Variants in STIM1 observed in about 807,000 individuals in gnomAD.
STIM1 encodes the protein stromal interaction molecule 1.
A neutral mutation model predicts 74.7 loss-of-function variants in STIM1; 25 were observed. The observed-to-expected ratio is 0.33, with a 90% CI of 0.24 to 0.47. The LOEUF (loss-of-function observed/expected upper bound fraction) is 0.47. Ranked by LOEUF, STIM1 falls within the 20% of genes least tolerant of loss-of-function variation. STIM1 has a pLI of 1.00. For synonymous variants in STIM1, 328 were observed against 348.8 expected, an observed-to-expected ratio of 0.94 and a Z score of 0.66; for missense variants, 728 against 920.8, an observed-to-expected ratio of 0.79 and a Z score of 2.71.
chr11:4,017,079 C>G (rs1299325392), intron 2 of STIM1, among the ~76,000 whole-genome samples: 1 of 152,170 alleles, frequency 6.6e-6, no homozygotes, highest in African/African-American at 2.4e-5. Context: ...TGGGCTGCAC[C>G]CACTGTCCAA....
At chr11:3,979,914 A>G (rs1276524076) in intron 2 of STIM1, among the ~76,000 whole-genome samples, 2 of 152,088 alleles carry the variant, frequency 1.3e-5, no homozygotes, top group African/African-American at 2.4e-5. Flanking sequence ...GTCTGTATCA[A>G]TCTTAGTTGT....
intron 1 of STIM1, among the ~76,000 whole-genome samples, chr11:3,947,888 C>A (rs2093098623): frequency 6.6e-6 from 1 of 152,168 alleles, no homozygotes; most frequent in Non-Finnish European, 1.5e-5. Context: ...ACTGACTTTA[C>A]AAAGTTTCAA....
chr11:3,918,473 C>T (rs1273322214), intron 1 of STIM1, among the ~76,000 whole-genome samples: 1 of 150,986 alleles, frequency 6.6e-6, no homozygotes, highest in South Asian at 2.1e-4. Context: ...GAGGTCAAGG[C>T]TGCAGTGAGC....
chr11:3,999,294 T>C lies in STIM1; in HGVS notation c.271-24579T>C, dbSNP rs149981827. ...CTGCAGTGAGCCATCTTCACGCCAC[T>C]GCATTTCAGCATGGGCAATAGAGGG... On this transcript the variant is annotated intron_variant, in intron 2 of 12. Transcript: ENST00000526596. Among the ~76,000 whole-genome samples the C allele has an allele frequency of 7.3e-3, 1,111 of 152,330 alleles. 10 individuals are homozygous for C. Among genetic ancestry groups the C allele is most frequent in the Middle Eastern group, 0.017 (5 of 294 alleles).
intron 1 of STIM1, among the ~76,000 whole-genome samples, chr11:3,942,038 CAATT>C (rs1259863010): frequency 6.6e-6 from 1 of 151,994 alleles, no homozygotes; most frequent in Non-Finnish European, 1.5e-5. Context: ...AATTACATCT[CAATT>C]AAAAAATGTT....
At chr11:3,963,237 C>T (rs1010749886) in intron 1 of STIM1, among the ~76,000 whole-genome samples, 2 of 152,150 alleles carry the variant, frequency 1.3e-5, no homozygotes, top group African/African-American at 4.8e-5. Flanking sequence ...CTTCCTCCTC[C>T]CACCCTCCAC....
chr11:3,886,296 T>G (rs1445927589), intron 1 of STIM1, among the ~76,000 whole-genome samples: 1 of 152,114 alleles, frequency 6.6e-6, no homozygotes, highest in Non-Finnish European at 1.5e-5. Flanking sequence ...TTTTCACACA[T>G]GAGCAATTAA....
intron 3 of STIM1, among the ~76,000 whole-genome samples, chr11:4,035,331 G>C (rs901799810): frequency 9.3e-5 from 14 of 149,896 alleles, no homozygotes; most frequent in Middle Eastern, 3.5e-3. Context: ...AAAATACCTA[G>C]AGTGAAGACA....
chr11:4,083,238 G>A (rs1275929142), intron 9 of STIM1, 25 bp from the exon 10 acceptor site: 1 of 1,611,056 alleles, frequency 6.2e-7, no homozygotes, highest in African/African-American at 1.3e-5. Context: ...GTCCATGCCT[G>A]CAGTTCTCTT....
chr11:4,087,675 A>T (rs906451789), intron 12 of STIM1, among the ~76,000 whole-genome samples: 16 of 151,938 alleles, frequency 1.1e-4, no homozygotes, highest in African/African-American at 3.9e-4. Flanking sequence ...GGCTGTGTGA[A>T]GGAAGGAAGT....
intron 1 of STIM1, among the ~76,000 whole-genome samples, chr11:3,862,895 C>T (rs981706178): frequency 6.6e-6 from 1 of 151,998 alleles, no homozygotes. Flanking sequence ...CACACACACA[C>T]ACACATATTT....
intron 1 of STIM1, among the ~76,000 whole-genome samples, chr11:3,962,645 T>A (rs1047887596): frequency 6.6e-6 from 1 of 152,136 alleles, no homozygotes; most frequent in Non-Finnish European, 1.5e-5. Context: ...TTTTGGTCCT[T>A]TGGGAGATCT....
intron 1 of STIM1, among the ~76,000 whole-genome samples, chr11:3,934,789 G>C (rs2092913407): frequency 6.6e-6 from 1 of 152,216 alleles, no homozygotes; most frequent in Admixed American, 6.5e-5. Flanking sequence ...CAGTGCAGTA[G>C]CTGACTTTGA....
chr11:4,041,877 G>T (rs184482312), intron 3 of STIM1, among the ~76,000 whole-genome samples: 29 of 152,230 alleles, frequency 1.9e-4, no homozygotes. Context: ...GTGAGCCACC[G>T]TGCTTGGCCA....
At chr11:3,868,233 A>G (rs974169107) in intron 1 of STIM1, 1 of 152,204 alleles carries the variant, frequency 6.6e-6, no homozygotes, top group Admixed American at 6.5e-5. Flanking sequence ...ATATCTCTGA[A>G]GAGATAAATA....
chr11:4,044,852 GT>G (rs544962628), intron 3 of STIM1, among the ~76,000 whole-genome samples: 133 of 152,280 alleles, frequency 8.7e-4, no homozygotes, highest in South Asian at 1.9e-3. Flanking sequence ...GCTGGGGGCA[GT>G]TTTTCCCTTC....
chr11:3,906,525 C>T (rs1441771899), intron 1 of STIM1, among the ~76,000 whole-genome samples: 4 of 152,066 alleles, frequency 2.6e-5, no homozygotes, highest in African/African-American at 9.7e-5. Context: ...AATTCTAAAG[C>T]GTATTGTTCT....
At chr11:3,886,259 G>A (rs2091700004) in intron 1 of STIM1, among the ~76,000 whole-genome samples, 1 of 152,198 alleles carries the variant, frequency 6.6e-6, no homozygotes, top group Non-Finnish European at 1.5e-5. Flanking sequence ...AGAGGGAGGA[G>A]CAATCTGGTG....
chr11:4,089,862 A>C (rs2094513405), intron 12 of STIM1, among the ~76,000 whole-genome samples: 1 of 152,074 alleles, frequency 6.6e-6, no homozygotes, highest in South Asian at 2.1e-4. Context: ...CATTTCCCTT[A>C]GGTCTCTCCT....
Sources: allele counts gnomAD v4.1 joint callset (sites outside exome capture counted in the v4.1 genomes callset), GRCh38; gene constraint gnomAD v4.1.1; transcripts MANE v1.5; gene names NCBI Gene and HGNC (gene_info 2026-07-23, HGNC 2026-07-21).